Variants in PCDHGA7 observed in about 807,000 individuals in gnomAD.
PCDHGA7 encodes protocadherin gamma subfamily A, 7.
PCDHGA7 carries 44 observed loss-of-function variants against 58.3 expected under a neutral mutation model. The observed-to-expected ratio is 0.75, with a 90% CI of 0.59 to 0.97. The LOEUF is 0.97. PCDHGA7 is among the 50% of genes least tolerant of loss of function. The pLI, the probability that PCDHGA7 is intolerant of heterozygous loss-of-function variation, is 0.00. For synonymous variants in PCDHGA7, 516 were observed against 504.2 expected (o/e 1.02, Z -0.31); for missense variants, 1,266 against 1,188.7 (o/e 1.06, Z -0.96).
intron 1 of PCDHGA7, chr5:141,423,659 A>C (rs369390148): frequency 6.4e-7 from 1 of 1,551,038 alleles, no homozygotes; most frequent in African/African-American, 1.4e-5. Flanking sequence ...ACAAGTAATC[A>C]GGTGAGATTT....
chr5:141,497,702 G>A (rs904199928), intron 2 of PCDHGA7, among the ~76,000 whole-genome samples: 16 of 152,054 alleles, frequency 1.1e-4, no homozygotes, highest in African/African-American at 3.9e-4. Context: ...ACCACACCCA[G>A]CTCATTTTTG....
At chr5:141,423,631 T>G (rs1452661307) in intron 1 of PCDHGA7, 2 of 1,603,990 alleles carry the variant, frequency 1.2e-6, no homozygotes, top group African/African-American at 2.7e-5. Flanking sequence ...AGCTATCATT[T>G]TAGGCAAATG....
At chr5:141,403,864 A>C in intron 1 of PCDHGA7, 1 of 1,613,794 alleles carries the variant, frequency 6.2e-7, no homozygotes, top group Non-Finnish European at 8.5e-7. Flanking sequence ...TATCAACAGC[A>C]AAAAGTCTAG....
At chr5:141,390,355 T>C in intron 1 of PCDHGA7, 1 of 1,554,132 alleles carries the variant, frequency 6.4e-7, no homozygotes, top group Non-Finnish European at 8.8e-7. Flanking sequence ...AATATACATA[T>C]TTGCAGGAAA....
At position 141,485,685 on chromosome 5, in the gene PCDHGA7, G is replaced by A; in HGVS notation, c.2425-9122G>A. ...GGGAGCAATTCGATTAGCAGCTATA[G>A]GCTGAGCTCCAATGAACACTTTGCA... On this transcript the variant is annotated intron_variant, in intron 1 of 3. Coordinates refer to ENST00000518325, the MANE Select transcript of PCDHGA7 (RefSeq NM_018920.4). This position sits in a 1 kb window ranked among gnomAD's most constrained non-coding sequence, Gnocchi z 5.7. 1.2e-6 allele frequency: 2 copies of A among 1,614,052 alleles called. No homozygotes were observed. The highest frequency in any genetic ancestry group is 1.3e-5 in the African/African-American group (1 of 75,072).
rs766638463 is a variant in PCDHGA7 at position 141,476,525 on chromosome 5, A to G, written c.2425-18282A>G. ...CAACGACAACAATCCTGCTTTCCCT[A>G]CCCAGGAAATGAAATTGGAGATTAG... On this transcript the variant is annotated intron_variant, in intron 1 of 3. Transcript: ENST00000518325. This position sits in a 1 kb window ranked among gnomAD's most constrained non-coding sequence, Gnocchi z 7.6. 6 of 1,613,950 alleles carry G rather than the reference A, an allele frequency of 3.7e-6. No homozygotes were observed. The African/African-American group carries it at 6.7e-5, about 18-fold the overall frequency.
rs764928203 is a variant in PCDHGA7, at chr5:141,383,473, C to A, written c.574C>A (p.Pro192Thr). 1 of 1,613,568 alleles carries A rather than the reference C, an allele frequency of 6.2e-7. No individual in the cohort carries two copies. The highest frequency in any genetic ancestry group is 1.3e-5 in the African/African-American group (1 of 74,908). ...AAGTGGAGACGATGAAACTAAGTAC[C>A]CGGAACTGGTGCTGGAGCGGGTGCT... is the stretch of plus-strand genomic sequence containing the variant. Reference protein sequence around the residue: ...VQSGDDETKYPELVLERVLDR... With the variant: ...VQSGDDETKYTELVLERVLDR... Residue 192 changes from proline (P) to threonine (T), a missense_variant, in exon 1 of 4, where the codon CCG (proline) becomes ACG (threonine). Transcript: ENST00000518325.
chr5:141,402,110 T>G (rs900421956), intron 1 of PCDHGA7, among the ~76,000 whole-genome samples: 1 of 152,150 alleles, frequency 6.6e-6, no homozygotes, highest in Admixed American at 6.5e-5. Context: ...ATTACAAAAA[T>G]GTGAAAATTT....
At chr5:141,475,448 G>A (rs774710049) in intron 1 of PCDHGA7, among the ~76,000 whole-genome samples, 1 of 152,214 alleles carries the variant, frequency 6.6e-6, no homozygotes, top group Non-Finnish European at 1.5e-5. Flanking sequence ...CAGATAATGA[G>A]GAAGTGACAG....
At chr5:141,434,608 C>T (rs142418557) in intron 1 of PCDHGA7, among the ~76,000 whole-genome samples, 1,532 of 152,226 alleles carry the variant, frequency 0.01, 34 homozygotes, top group African/African-American at 0.034. Flanking sequence ...CCTTTATTTC[C>T]GCCCATCTCT....
intron 1 of PCDHGA7, chr5:141,419,105 C>G: frequency 6.2e-7 from 1 of 1,613,918 alleles, no homozygotes; most frequent in Non-Finnish European, 8.5e-7. Context: ...GGAGCAGACC[C>G]CAGAGTACAA....
At chr5:141,437,878 C>A (rs1047761465) in intron 1 of PCDHGA7, among the ~76,000 whole-genome samples, 13 of 151,996 alleles carry the variant, frequency 8.6e-5, no homozygotes, top group Non-Finnish European at 1.5e-4. Flanking sequence ...GCTGGGACTA[C>A]AGGCACACGC....
chr5:141,465,611 C>T (rs1393170181), intron 1 of PCDHGA7, among the ~76,000 whole-genome samples: 1 of 152,178 alleles, frequency 6.6e-6, no homozygotes, highest in African/African-American at 2.4e-5. Context: ...CTCTTTGGCC[C>T]TCCAGGAAGT....
At chr5:141,421,371 T>C in intron 1 of PCDHGA7, 2 of 1,614,028 alleles carry the variant, frequency 1.2e-6, no homozygotes, top group Non-Finnish European at 1.7e-6. Flanking sequence ...TCGTGGGCAA[T>C]ATCTCCAAGG....
chr5:141,403,601 G>A, intron 1 of PCDHGA7: 1 of 1,613,814 alleles, frequency 6.2e-7, no homozygotes, highest in Non-Finnish European at 8.5e-7. Flanking sequence ...GGCCTCGGAT[G>A]GCGGCGAGCC....
In PCDHGA7 at chr5:141,384,194, T is replaced by A. The variant is rs763395046; in HGVS notation, c.1295T>A (p.Leu432Ter). 4.3e-6 allele frequency: 7 copies of A among 1,613,674 alleles called. No homozygotes were observed. In the East Asian group the frequency reaches 1.3e-4, roughly 31 times the overall value. ...LKATDGGTPP[L>*]SRETHIFMQV... is the part of the protein sequence containing the mutation. ...GCCACAGATGGTGGAACTCCTCCCT[T>A]GTCCAGGGAAACTCACATATTCATG... Residue 432 changes from leucine (L) to a stop codon, truncating the protein, a stop_gained, in exon 1 of 4, where the codon TTG becomes TAG. Transcript: ENST00000518325. LOFTEE classifies it high-confidence loss of function.
intron 1 of PCDHGA7, among the ~76,000 whole-genome samples, chr5:141,459,742 T>C (rs2098974738): frequency 6.6e-6 from 1 of 152,248 alleles, no homozygotes; most frequent in Non-Finnish European, 1.5e-5. Context: ...TTTTAAATTT[T>C]AGCAATTCTA....
chr5:141,399,649 G>A (rs1325160100), intron 1 of PCDHGA7: 2 of 1,613,794 alleles, frequency 1.2e-6, no homozygotes, highest in East Asian at 2.2e-5. Flanking sequence ...CGCGCAAAGT[G>A]GGGTGGTGTT....
At position 141,421,915 on chromosome 5, in the gene PCDHGA7, C is replaced by T. The variant is rs751221129; in HGVS notation, c.2424+36592C>T. ...CATCCGAAAGGGCGCAGTTCCCATT[C>T]GTGTGGTGGTCCTCGATGTAAATGA... is the stretch of plus-strand genomic sequence containing the variant. On this transcript the variant is annotated intron_variant, in intron 1 of 3. Transcript: ENST00000518325. 18 of 1,613,504 alleles carry T rather than the reference C, an allele frequency of 1.1e-5. No individual in the cohort carries two copies. The South Asian group carries it at 1.5e-4, about 14-fold the overall frequency.
Sources: gnomAD v4.1 joint callset for allele counts (sites outside exome capture counted in the v4.1 genomes callset) on GRCh38, gnomAD v4.1.1 for gene constraint, Gnocchi (gnomAD v3.1) non-coding constraint, MANE v1.5 for transcripts, NCBI Gene and HGNC (gene_info 2026-07-23, HGNC 2026-07-21) for gene names.